Variants in HERC1 observed in about 807,000 individuals in gnomAD.
The protein encoded by HERC1 is probable E3 ubiquitin-protein ligase HERC1.
Under a neutral mutation model 554.3 loss-of-function variants are expected in HERC1, and 160 were observed. That is an observed-to-expected ratio of 0.29 (90% confidence interval 0.25 to 0.33). HERC1 has a LOEUF of 0.33. HERC1 is among the 10% of genes least tolerant of loss of function. HERC1 has a pLI of 1.00. For synonymous variants in HERC1, 2,175 were observed against 2,131.7 expected, an observed-to-expected ratio of 1.02 and a Z score of -0.56; for missense variants, 4,919 against 5,918.5, an observed-to-expected ratio of 0.83 and a Z score of 5.54.
At chr15:63,644,258 A>C (rs1244662189) in intron 57 of HERC1, among the ~76,000 whole-genome samples, 1 of 152,250 alleles carries the variant, frequency 6.6e-6, no homozygotes, top group African/African-American at 2.4e-5. Context: ...CAAGGGTATC[A>C]TGAGCAAAAG....
In HERC1 at chr15:63,638,789, G is replaced by C. The variant is rs376131292; in HGVS notation, c.11902-13C>G. The C allele has an allele frequency of 8.5e-5, 136 of 1,609,030 alleles. No homozygotes were observed. Among genetic ancestry groups the C allele is most frequent in the Non-Finnish European group, 1.1e-4 (133 of 1,175,668 alleles). On this transcript the variant is annotated splice_polypyrimidine_tract_variant and intron_variant, in intron 61 of 77. Coordinates refer to ENST00000443617, the MANE Select transcript of HERC1 (RefSeq NM_003922.4). ...ATTTACTGTTATCCTGAAAAACAGG[G>C]GGTACATAATGATCAATTCTGCTTA...
chr15:63,810,117 T>G (rs80084213), intron 1 of HERC1, among the ~76,000 whole-genome samples: 3,085 of 152,322 alleles, frequency 0.02, 100 homozygotes, highest in African/African-American at 0.071. Context: ...ATTACTATGA[T>G]ATACTAAGTT....
intron 12 of HERC1, among the ~76,000 whole-genome samples, chr15:63,744,385 A>G (rs2074975516): frequency 6.6e-6 from 1 of 152,154 alleles, no homozygotes; most frequent in Admixed American, 6.5e-5. Flanking sequence ...GTGGTTCCAC[A>G]ATCAGCCAGT....
intron 12 of HERC1, among the ~76,000 whole-genome samples, chr15:63,742,206 T>G (rs1285037057): frequency 1.3e-5 from 2 of 152,254 alleles, no homozygotes; most frequent in African/African-American, 4.8e-5. Flanking sequence ...ACACTTCTTT[T>G]GTTAAATGTA....
chr15:63,811,383 G>A (rs763443202), intron 1 of HERC1, among the ~76,000 whole-genome samples: 28 of 152,218 alleles, frequency 1.8e-4, no homozygotes, highest in Non-Finnish European at 3.5e-4. Context: ...GCACCAAAAT[G>A]TTGCAATTTG....
intron 21 of HERC1, 28 bp from the exon 22 acceptor site, chr15:63,716,501 A>G (rs1208469685): frequency 3.3e-6 from 5 of 1,528,986 alleles, no homozygotes; most frequent in Non-Finnish European, 4.4e-6. Context: ...AAACTACACT[A>G]AATACATTTT....
intron 2 of HERC1, among the ~76,000 whole-genome samples, chr15:63,773,319 C>T (rs2076006260): frequency 6.6e-6 from 1 of 151,470 alleles, no homozygotes; most frequent in African/African-American, 2.4e-5. Context: ...TAGTGCACAC[C>T]TGTAATCCCA....
At chr15:63,673,291 C>G (rs1438992803) in intron 38 of HERC1, among the ~76,000 whole-genome samples, 1 of 151,996 alleles carries the variant, frequency 6.6e-6, no homozygotes, top group Non-Finnish European at 1.5e-5. Flanking sequence ...ACAAGTAATT[C>G]TATTAGGTTT....
intron 1 of HERC1, among the ~76,000 whole-genome samples, chr15:63,823,448 G>C (rs2077771944): frequency 6.6e-6 from 1 of 152,184 alleles, no homozygotes; most frequent in African/African-American, 2.4e-5. Context: ...AGAAAACTGA[G>C]ACTAAGAGAT....
chr15:63,788,448 A>G (rs561686804), intron 1 of HERC1, among the ~76,000 whole-genome samples: 3 of 152,372 alleles, frequency 2.0e-5, no homozygotes, highest in Non-Finnish European at 2.9e-5. Flanking sequence ...CATGACTTCA[A>G]CAGACAATTC....
chr15:63,626,499 T>G (rs1050425026), intron 70 of HERC1, among the ~76,000 whole-genome samples: 1 of 152,234 alleles, frequency 6.6e-6, no homozygotes, highest in Non-Finnish European at 1.5e-5. Context: ...TATTTAATAA[T>G]TGTCATCTTC....
At chr15:63,640,800 T>C (rs540540420) in intron 60 of HERC1, among the ~76,000 whole-genome samples, 3 of 152,314 alleles carry the variant, frequency 2.0e-5, no homozygotes, top group South Asian at 4.1e-4. Context: ...GCTATCACAC[T>C]GCATATAGTA....
At position 63,816,030 on chromosome 15, in the gene HERC1, C is replaced by G. The variant is rs143908646; in HGVS notation, c.-27+17797G>C. 3.9e-5 allele frequency among the ~76,000 whole-genome samples: 6 copies of G among 152,220 alleles called. No homozygotes were observed. The East Asian group carries it at 1.2e-3, about 29-fold the overall frequency. On this transcript the variant is annotated intron_variant, in intron 1 of 77. Coordinates refer to ENST00000443617, the MANE Select transcript of HERC1 (RefSeq NM_003922.4). ...TTACCTCCCACCGGGTCCCTCCCCCCACACGTAGGGATTATGGGAACTAAA... is the reference window on the plus strand; with the variant it reads ...TTACCTCCCACCGGGTCCCTCCCCCGACACGTAGGGATTATGGGAACTAAA...
At chr15:63,663,778 C>T (rs563168605) in intron 43 of HERC1, among the ~76,000 whole-genome samples, 32 of 152,196 alleles carry the variant, frequency 2.1e-4, no homozygotes, top group Middle Eastern at 6.8e-3. Context: ...TAGAAAAAAA[C>T]TTCAATAAAT....
At chr15:63,655,231 G>C (rs1472437876) in intron 50 of HERC1, among the ~76,000 whole-genome samples, 2 of 151,626 alleles carry the variant, frequency 1.3e-5, no homozygotes, top group Non-Finnish European at 2.9e-5. Flanking sequence ...GCATGTGCCT[G>C]TAATCCCAGC....
At chr15:63,654,395 A>C in intron 50 of HERC1, 71 bp from the exon 51 acceptor site, 2 of 1,163,308 alleles carry the variant, frequency 1.7e-6, no homozygotes, top group Non-Finnish European at 2.5e-6. Context: ...CAAAACATGA[A>C]ATGATGCTCA....
intron 55 of HERC1, among the ~76,000 whole-genome samples, chr15:63,646,432 A>G (rs1430232949): frequency 6.6e-6 from 1 of 152,120 alleles, no homozygotes; most frequent in East Asian, 1.9e-4. Context: ...ACAACAGAAC[A>G]TTAAGTCATA....
rs550955693 is a variant in HERC1, at chr15:63,669,763, C to T, written c.8046-65G>A. 27 of 1,451,550 alleles carry T rather than the reference C, an allele frequency of 1.9e-5. 1 individual carries two copies. The South Asian group carries it at 2.9e-4, about 16-fold the overall frequency. The allele number at this position is 1,451,550 out of a possible 1,614,324, so 89.9% of individuals were successfully genotyped here. On this transcript the variant is annotated intron_variant, in intron 39 of 77. Transcript: ENST00000443617. Reference sequence around the variant, plus strand: ...TACGAAATAATACATACATCACAATCTTCTTATAGAAGAATATGCAACCTG... The same window carrying T: ...TACGAAATAATACATACATCACAATTTTCTTATAGAAGAATATGCAACCTG...
intron 18 of HERC1, among the ~76,000 whole-genome samples, chr15:63,724,217 T>C (rs1047948066): frequency 2.0e-5 from 3 of 152,240 alleles, no homozygotes; most frequent in Admixed American, 6.5e-5. Flanking sequence ...GATACTTTTG[T>C]TCTCAGGAGG....
Sources: allele counts gnomAD v4.1 joint callset (sites outside exome capture counted in the v4.1 genomes callset), GRCh38; gene constraint gnomAD v4.1.1; transcripts MANE v1.5; gene names NCBI Gene and HGNC (gene_info 2026-07-23, HGNC 2026-07-21).